The following EBF2 variants were observed in gnomAD, a reference collection of about 807,000 sequenced individuals.
EBF2 encodes the protein transcription factor COE2.
EBF2 carries 21 observed loss-of-function variants against 72.8 expected under a neutral mutation model. The observed-to-expected ratio is 0.29, with a 90% CI of 0.20 to 0.42. EBF2 has a LOEUF of 0.42. Among genes scored for constraint, EBF2 ranks in the 10% least tolerant of loss-of-function variants. The pLI, the probability that EBF2 is intolerant of heterozygous loss-of-function variation, is 1.00. For missense variants in EBF2, 637 were observed against 731.2 expected, an observed-to-expected ratio of 0.87 and a Z score of 1.49; for synonymous variants, 299 against 274.2, an observed-to-expected ratio of 1.09 and a Z score of -0.89.
At position 26,005,557 on chromosome 8, in the gene EBF2, T is replaced by TAGAG. The variant is rs1480763824; in HGVS notation, c.551+27527_551+27528insCTCT. On this transcript the variant is annotated intron_variant, in intron 6 of 15. Coordinates refer to ENST00000520164, the MANE Select transcript of EBF2 (RefSeq NM_022659.4). ...TATATATATTTTATATATATATATA[T>TAGAG]ATATAGAGAGAGAGAGAGAGAGGTA... Among the ~76,000 whole-genome samples, 81 of 45,056 alleles carry TAGAG rather than the reference T, an allele frequency of 1.8e-3. 2 individuals are homozygous for TAGAG. Among genetic ancestry groups the TAGAG allele is most frequent in the African/African-American group, 8.5e-3 (62 of 7,292 alleles). The allele number at this position is 45,056 out of a possible 152,430, so 29.6% of individuals were successfully genotyped here.
chr8:26,023,120 G>A (rs1805231316), intron 6 of EBF2, among the ~76,000 whole-genome samples: 1 of 152,016 alleles, frequency 6.6e-6, no homozygotes. Flanking sequence ...TCAAAAATGG[G>A]CCCAAAGAAC....
intron 10 of EBF2, among the ~76,000 whole-genome samples, chr8:25,871,385 G>T (rs1802437501): frequency 6.6e-6 from 1 of 152,178 alleles, no homozygotes; most frequent in South Asian, 2.1e-4. Context: ...GGCTGACAGG[G>T]ATACAGAGAA....
Position 25,843,910 on chromosome 8 carries a change from A to T in EBF2, c.*699T>A, listed in dbSNP as rs1469570553. The T allele has an allele frequency of 6.6e-6, 1 of 152,198 alleles. No homozygotes were observed. The highest frequency in any genetic ancestry group is 1.5e-5 in the Non-Finnish European group (1 of 68,056). The allele number at this position is 152,198 out of a possible 1,614,324, so 9.4% of individuals were successfully genotyped here. On this transcript the variant is annotated 3_prime_UTR_variant, in exon 16 of 16. Coordinates refer to ENST00000520164, the MANE Select transcript of EBF2 (RefSeq NM_022659.4). ...ACACACCTTTAAAACTTGTTACTAC[A>T]TGTTTGCATCATTTTCATTTTACAT...
chr8:25,852,197 C>G (rs761660015), intron 14 of EBF2, among the ~76,000 whole-genome samples: 1 of 152,160 alleles, frequency 6.6e-6, no homozygotes, highest in Non-Finnish European at 1.5e-5. Context: ...AATAAAAACA[C>G]TGTTGGGCTA....
At position 25,946,671 on chromosome 8, in the gene EBF2, A is replaced by G. The variant is rs1350708984; in HGVS notation, c.552-38116T>C. Reference sequence around the variant, plus strand: ...ACGGGAGAAACCTAGACGGCAGCCCAGACAACTCCCTCTGCCTCCCTTTCA... The same window carrying G: ...ACGGGAGAAACCTAGACGGCAGCCCGGACAACTCCCTCTGCCTCCCTTTCA... On this transcript the variant is annotated intron_variant, in intron 6 of 15. Coordinates refer to ENST00000520164, the MANE Select transcript of EBF2 (RefSeq NM_022659.4). Among the ~76,000 whole-genome samples the G allele has an allele frequency of 3.3e-5, 5 of 152,190 alleles. No homozygotes were observed. In the East Asian group the frequency reaches 9.6e-4, roughly 29 times the overall value.
intron 6 of EBF2, among the ~76,000 whole-genome samples, chr8:25,948,520 G>A (rs1174546256): frequency 2.6e-5 from 4 of 152,182 alleles, no homozygotes; most frequent in Non-Finnish European, 5.9e-5. Flanking sequence ...TTCCTGATCG[G>A]ATTCCTAAAT....
At chr8:25,947,286 C>T (rs1297026265) in intron 6 of EBF2, among the ~76,000 whole-genome samples, 2 of 152,200 alleles carry the variant, frequency 1.3e-5, no homozygotes, top group African/African-American at 4.8e-5. Flanking sequence ...TTCCCCTGCA[C>T]ATGCTTTCTT....
intron 6 of EBF2, among the ~76,000 whole-genome samples, chr8:25,961,607 C>T (rs970212524): frequency 2.6e-5 from 4 of 152,152 alleles, no homozygotes; most frequent in South Asian, 2.1e-4. Flanking sequence ...ATGATCCACC[C>T]ACCTCGGCCT....
At chr8:25,914,884 G>C (rs1585193916) in intron 6 of EBF2, among the ~76,000 whole-genome samples, 1 of 152,094 alleles carries the variant, frequency 6.6e-6, no homozygotes. Context: ...TACCATTAAG[G>C]CTTGTTCACC....
In EBF2 at chr8:25,882,525, G is replaced by A. The variant is rs575487008; in HGVS notation, c.1009+4230C>T. 4.6e-5 allele frequency among the ~76,000 whole-genome samples: 7 copies of A among 152,204 alleles called. No individual in the cohort carries two copies. The South Asian group carries it at 6.2e-4, about 14-fold the overall frequency. On this transcript the variant is annotated intron_variant, in intron 10 of 15. Coordinates refer to ENST00000520164, the MANE Select transcript of EBF2 (RefSeq NM_022659.4). The stretch of plus-strand genomic sequence containing the variant: ...TCTGCCATGGTGAGAGTATTTGACC[G>A]TGGAAATCAGTAAATGGTATAAACC...
Position 25,878,989 on chromosome 8 carries a change from AT to A in EBF2, c.1009+7765del, listed in dbSNP as rs546217454. Among the ~76,000 whole-genome samples, 120 of 152,250 alleles carry A rather than the reference AT, an allele frequency of 7.9e-4. 2 individuals are homozygous for A. The highest frequency in any genetic ancestry group is 2.8e-3 in the African/African-American group (117 of 41,548). ...GTGATGCTATATTGTGCCATACTTTATTCTTTAAATTTTAAATTTTAAATTA... is the reference window on the plus strand; with the variant it reads ...GTGATGCTATATTGTGCCATACTTTATCTTTAAATTTTAAATTTTAAATTA... On this transcript the variant is annotated intron_variant, in intron 10 of 15. Coordinates refer to ENST00000520164, the MANE Select transcript of EBF2 (RefSeq NM_022659.4).
At chr8:25,897,359 T>C (rs955281069) in intron 7 of EBF2, among the ~76,000 whole-genome samples, 7 of 152,224 alleles carry the variant, frequency 4.6e-5, no homozygotes. Flanking sequence ...TTTTTTCTTG[T>C]GTAATTTCAA....
At chr8:26,032,882 A>C in intron 6 of EBF2, 1 of 572,394 alleles carries the variant, frequency 1.7e-6, no homozygotes, top group Non-Finnish European at 3.1e-6. Flanking sequence ...ACTCCACCAC[A>C]GATTTAGAGA....
intron 6 of EBF2, among the ~76,000 whole-genome samples, chr8:26,013,787 A>C (rs1425400692): frequency 6.6e-6 from 1 of 152,202 alleles, no homozygotes; most frequent in Non-Finnish European, 1.5e-5. Context: ...GAAATCAGAC[A>C]GTGTAAAATT....
intron 7 of EBF2, among the ~76,000 whole-genome samples, chr8:25,898,892 TTC>T (rs754481276): frequency 1.3e-5 from 2 of 152,150 alleles, no homozygotes; most frequent in Non-Finnish European, 2.9e-5. Context: ...CTGGAATGGG[TTC>T]AGCGGCAGGT....
At chr8:25,999,731 C>A (rs1804692777) in intron 6 of EBF2, among the ~76,000 whole-genome samples, 1 of 151,254 alleles carries the variant, frequency 6.6e-6, no homozygotes, top group Non-Finnish European at 1.5e-5. Flanking sequence ...CTTCCATTTT[C>A]TCTTTCTATC....
At chr8:25,924,963 A>G (rs1457465585) in intron 6 of EBF2, among the ~76,000 whole-genome samples, 1 of 152,216 alleles carries the variant, frequency 6.6e-6, no homozygotes, top group Non-Finnish European at 1.5e-5. Flanking sequence ...ACTCTAACAC[A>G]GGACTGAGCC....
intron 10 of EBF2, 78 bp from the exon 11 acceptor site, chr8:25,862,875 A>T: frequency 9.1e-7 from 1 of 1,101,436 alleles, no homozygotes; most frequent in Non-Finnish European, 1.3e-6. Flanking sequence ...TCCACAGGTA[A>T]TAAGAAGGTT....
chr8:25,940,428 G>A (rs759254462), intron 6 of EBF2, among the ~76,000 whole-genome samples: 1 of 152,066 alleles, frequency 6.6e-6, no homozygotes, highest in Non-Finnish European at 1.5e-5. Flanking sequence ...CCATGCAGGA[G>A]ACTTGTTCCT....
Sources: allele counts gnomAD v4.1 joint callset (sites outside exome capture counted in the v4.1 genomes callset), GRCh38; gene constraint gnomAD v4.1.1; transcripts MANE v1.5; gene names NCBI Gene and HGNC (gene_info 2026-07-23, HGNC 2026-07-21).